The following KCNN2 variants were observed in gnomAD, a reference collection of about 807,000 sequenced individuals.
KCNN2 encodes small conductance calcium-activated potassium channel protein 2.
In KCNN2, 24 loss-of-function variants were observed where a neutral mutation model predicts 55.5. That is an observed-to-expected ratio of 0.43 (90% CI 0.31 to 0.61). KCNN2 has a LOEUF of 0.61. Among genes scored for constraint, KCNN2 ranks in the 20% least tolerant of loss-of-function variants. KCNN2 has a pLI of 0.08. For synonymous variants in KCNN2, 431 were observed against 336.1 expected (o/e 1.28, Z -3.09); for missense variants, 754 against 853.6 (o/e 0.88, Z 1.45).
At chr5:114,103,758 C>T (rs1424742589) in intron 1 of KCNN2, among the ~76,000 whole-genome samples, 6 of 152,154 alleles carry the variant, frequency 3.9e-5, no homozygotes, top group African/African-American at 1.4e-4. Flanking sequence ...ATCAGCCTTG[C>T]ATCCCAGGGA....
At chr5:114,238,875 G>A (rs539582690) in intron 2 of KCNN2, among the ~76,000 whole-genome samples, 2 of 152,238 alleles carry the variant, frequency 1.3e-5, no homozygotes, top group Admixed American at 1.3e-4. Flanking sequence ...GGAGAACAGG[G>A]TACAGTGTTC....
At chr5:114,339,409 T>A (rs1561576939) in intron 2 of KCNN2, among the ~76,000 whole-genome samples, 1 of 152,244 alleles carries the variant, frequency 6.6e-6, no homozygotes. Flanking sequence ...AGACATGGCC[T>A]ACTCACACTT....
chr5:114,299,441 A>T (rs1358949723), intron 2 of KCNN2, among the ~76,000 whole-genome samples: 1 of 152,208 alleles, frequency 6.6e-6, no homozygotes, highest in East Asian at 1.9e-4. Flanking sequence ...CTAAATGTTT[A>T]AAAACAATAA....
At chr5:114,096,042 C>A (rs1467913194) in intron 1 of KCNN2, among the ~76,000 whole-genome samples, 1 of 152,116 alleles carries the variant, frequency 6.6e-6, no homozygotes, top group Non-Finnish European at 1.5e-5. Flanking sequence ...TTGAAGTCCC[C>A]TGGGGACTGA....
intron 1 of KCNN2, among the ~76,000 whole-genome samples, chr5:114,060,755 AATAAG>A (rs1561458462): frequency 6.6e-6 from 1 of 152,198 alleles, no homozygotes; most frequent in Non-Finnish European, 1.5e-5. Context: ...GTGAGTTTTA[AATAAG>A]ATAAGGATGT....
At chr5:114,312,207 G>T (rs533030308) in intron 2 of KCNN2, among the ~76,000 whole-genome samples, 1 of 151,630 alleles carries the variant, frequency 6.6e-6, no homozygotes, top group Non-Finnish European at 1.5e-5. Context: ...GCTTCTTGGC[G>T]TGAGTTTTTG....
At chr5:114,421,140 T>C (rs1210979843) in intron 3 of KCNN2, among the ~76,000 whole-genome samples, 1 of 152,104 alleles carries the variant, frequency 6.6e-6, no homozygotes, top group African/African-American at 2.4e-5. Flanking sequence ...TTTTAGTATA[T>C]GTTTCCTTTT....
At chr5:114,387,856 C>T (rs978772731) in intron 2 of KCNN2, among the ~76,000 whole-genome samples, 1 of 152,136 alleles carries the variant, frequency 6.6e-6, no homozygotes, top group Non-Finnish European at 1.5e-5. Flanking sequence ...GGGCTTTGCT[C>T]TCCCCCTCTG....
chr5:114,120,914 A>G (rs1489636474), intron 1 of KCNN2, among the ~76,000 whole-genome samples: 1 of 152,224 alleles, frequency 6.6e-6, no homozygotes, highest in African/African-American at 2.4e-5. Context: ...TAAAAATATG[A>G]GCTGCTGTGT....
chr5:114,301,218 G>A (rs1756151749), intron 2 of KCNN2, among the ~76,000 whole-genome samples: 1 of 152,020 alleles, frequency 6.6e-6, no homozygotes, highest in African/African-American at 2.4e-5. Flanking sequence ...TATTAGCTCT[G>A]TAACCTTGGA....
chr5:114,072,967 A>G (rs964000455), intron 1 of KCNN2, among the ~76,000 whole-genome samples: 4 of 152,232 alleles, frequency 2.6e-5, no homozygotes, highest in Non-Finnish European at 5.9e-5. Context: ...CATTTTATGC[A>G]TAGGTAATAC....
chr5:114,301,420 C>T (rs535130759), intron 2 of KCNN2, among the ~76,000 whole-genome samples: 2 of 152,098 alleles, frequency 1.3e-5, no homozygotes, highest in Admixed American at 6.6e-5. Flanking sequence ...GCCTCCCGAG[C>T]GCATGTTTCT....
At chr5:114,436,465 A>G (rs758979067) in intron 3 of KCNN2, among the ~76,000 whole-genome samples, 18 of 152,182 alleles carry the variant, frequency 1.2e-4, no homozygotes, top group Non-Finnish European at 2.4e-4. Context: ...ATTTACTTGT[A>G]TGTCATTTGA....
In KCNN2 at chr5:114,329,174, C is replaced by T. The variant is rs561395190; in HGVS notation, c.-184-31771C>T. Among the ~76,000 whole-genome samples the T allele has an allele frequency of 2.0e-5, 3 of 152,318 alleles. No homozygotes were observed. The South Asian group carries it at 6.2e-4, about 32-fold the overall frequency. The stretch of plus-strand genomic sequence containing the variant: ...CCTTGAATGGCCTTGGTACATTACA[C>T]TCATCAGCTGATGATGCACAGCTCC... On this transcript the variant is annotated intron_variant, in intron 2 of 10. Transcript: ENST00000512097.
intron 1 of KCNN2, among the ~76,000 whole-genome samples, chr5:114,082,812 A>T (rs1231280081): frequency 6.6e-6 from 1 of 152,222 alleles, no homozygotes; most frequent in Non-Finnish European, 1.5e-5. Context: ...ACAATCACAA[A>T]GTTGAATCCT....
chr5:114,060,804 G>A (rs895427910), intron 1 of KCNN2, among the ~76,000 whole-genome samples: 1 of 152,182 alleles, frequency 6.6e-6, no homozygotes, highest in African/African-American at 2.4e-5. Flanking sequence ...CATGTAAGAA[G>A]GGCACAGTGG....
chr5:114,142,322 A>C (rs980162779), intron 1 of KCNN2, among the ~76,000 whole-genome samples: 1 of 152,104 alleles, frequency 6.6e-6, no homozygotes, highest in Non-Finnish European at 1.5e-5. Context: ...GGTGTAAGGA[A>C]GGGATCCAGT....
At chr5:114,082,333 A>G (rs987819780) in intron 1 of KCNN2, among the ~76,000 whole-genome samples, 6 of 152,106 alleles carry the variant, frequency 3.9e-5, no homozygotes, top group Non-Finnish European at 5.9e-5. Context: ...TTAAAAAAAA[A>G]AAAAAGAAAA....
At chr5:114,267,082 G>C (rs559452345) in intron 2 of KCNN2, among the ~76,000 whole-genome samples, 1 of 140,050 alleles carries the variant, frequency 7.1e-6, no homozygotes, top group African/African-American at 2.7e-5. Context: ...TGCAACCTCC[G>C]CCTCCCAGGT....
Sources: allele counts gnomAD v4.1 joint callset (sites outside exome capture counted in the v4.1 genomes callset), GRCh38; gene constraint gnomAD v4.1.1; transcripts MANE v1.5; gene names NCBI Gene and HGNC (gene_info 2026-07-23, HGNC 2026-07-21).